Variants in MAGI2 observed in about 807,000 individuals in gnomAD.
MAGI2 encodes the protein membrane associated guanylate kinase, WW and PDZ domain containing 2.
MAGI2 carries 35 observed loss-of-function variants against 133.3 expected under a neutral mutation model. That is an observed-to-expected ratio of 0.26 (90% CI 0.20 to 0.35). The LOEUF (loss-of-function observed/expected upper bound fraction) is 0.35, where lower values mean the gene tolerates loss of function less well. Among genes scored for constraint, MAGI2 ranks in the 10% least tolerant of loss-of-function variants. The pLI, the probability that MAGI2 is intolerant of heterozygous loss-of-function variation, is 1.00. For missense variants in MAGI2, 1,636 were observed against 1,863.4 expected, an observed-to-expected ratio of 0.88 and a Z score of 2.25; for synonymous variants, 729 against 710.6, an observed-to-expected ratio of 1.03 and a Z score of -0.41.
At chr7:78,349,885 A>G (rs1056316306) in intron 7 of MAGI2, among the ~76,000 whole-genome samples, 4 of 152,210 alleles carry the variant, frequency 2.6e-5, no homozygotes, top group African/African-American at 9.6e-5. Context: ...TGTGTACAAA[A>G]AGATGTGAAT....
intron 9 of MAGI2, among the ~76,000 whole-genome samples, chr7:78,325,778 G>A (rs375860028): frequency 2.0e-5 from 3 of 152,202 alleles, no homozygotes; most frequent in African/African-American, 7.2e-5. Context: ...CAGGGCAAGG[G>A]AGCCCATTGG....
intron 2 of MAGI2, among the ~76,000 whole-genome samples, chr7:78,793,550 T>C (rs1787353497): frequency 6.6e-6 from 1 of 152,148 alleles, no homozygotes; most frequent in Non-Finnish European, 1.5e-5. Flanking sequence ...CTCTGACTGA[T>C]AGATGGTTCA....
At chr7:78,226,683 AACT>A (rs1789423074) in intron 10 of MAGI2, among the ~76,000 whole-genome samples, 1 of 152,202 alleles carries the variant, frequency 6.6e-6, no homozygotes, top group Admixed American at 6.5e-5. Context: ...CTTTAGAGGT[AACT>A]ACCTTTTCCT....
At chr7:78,851,744 GTAGT>G in intron 2 of MAGI2, among the ~76,000 whole-genome samples, 1 of 152,122 alleles carries the variant, frequency 6.6e-6, no homozygotes. Flanking sequence ...GTTGACGTCT[GTAGT>G]TAGAGTTCAT....
intron 2 of MAGI2, among the ~76,000 whole-genome samples, chr7:78,910,698 G>A (rs1263264042): frequency 6.6e-6 from 1 of 152,122 alleles, no homozygotes; most frequent in Non-Finnish European, 1.5e-5. Flanking sequence ...TTTGGTAAAT[G>A]TTATACTTAT....
intron 4 of MAGI2, among the ~76,000 whole-genome samples, chr7:78,507,233 T>C (rs1429784236): frequency 6.6e-6 from 1 of 152,082 alleles, no homozygotes; most frequent in African/African-American, 2.4e-5. Context: ...CAAATAAAGA[T>C]CCATAACATT....
chr7:78,853,137 C>T (rs947951542), intron 2 of MAGI2, among the ~76,000 whole-genome samples: 8 of 151,664 alleles, frequency 5.3e-5, no homozygotes, highest in Non-Finnish European at 7.4e-5. Flanking sequence ...GCAGGATATT[C>T]GATCAAGAAC....
intron 1 of MAGI2, among the ~76,000 whole-genome samples, chr7:79,331,469 G>A (rs1840066263): frequency 6.6e-6 from 1 of 152,042 alleles, no homozygotes; most frequent in South Asian, 2.1e-4. Context: ...ATAGTTACAT[G>A]GGAACTATAG....
At chr7:79,276,448 T>A (rs1162651217) in intron 1 of MAGI2, among the ~76,000 whole-genome samples, 1 of 152,194 alleles carries the variant, frequency 6.6e-6, no homozygotes, top group Non-Finnish European at 1.5e-5. Flanking sequence ...AAATTAATTA[T>A]AACTTTCTGA....
intron 2 of MAGI2, among the ~76,000 whole-genome samples, chr7:78,650,604 A>C (rs1183813280): frequency 1.3e-5 from 2 of 152,216 alleles, no homozygotes; most frequent in African/African-American, 4.8e-5. Context: ...AGGGGCATGT[A>C]TAGACAGAGA....
chr7:78,905,308 C>A (rs1483248603), intron 2 of MAGI2, among the ~76,000 whole-genome samples: 1 of 152,166 alleles, frequency 6.6e-6, no homozygotes, highest in Non-Finnish European at 1.5e-5. Flanking sequence ...ATCTAGAATT[C>A]TCTCTCTGTC....
chr7:78,237,951 G>C (rs1198207978), intron 10 of MAGI2, among the ~76,000 whole-genome samples: 2 of 152,102 alleles, frequency 1.3e-5, no homozygotes, highest in Admixed American at 1.3e-4. Context: ...GGTCACGTTA[G>C]CTCAAAATAT....
intron 14 of MAGI2, among the ~76,000 whole-genome samples, chr7:78,174,639 C>A (rs1826421193): frequency 6.6e-6 from 1 of 152,190 alleles, no homozygotes; most frequent in Non-Finnish European, 1.5e-5. Context: ...CTTTGTCATT[C>A]ATGGTGAGCC....
rs576061208 is a variant in MAGI2 at position 78,222,355 on chromosome 7, G to C, written c.2048-21162C>G. On this transcript the variant is annotated intron_variant, in intron 10 of 21. Coordinates refer to ENST00000354212, the MANE Select transcript of MAGI2 (RefSeq NM_012301.4). ...GAGCTCTATGGAGAAAAATAACACAGAACAAGGAAAAATGAAAAACTGCAA... is the reference window on the plus strand; with the variant it reads ...GAGCTCTATGGAGAAAAATAACACACAACAAGGAAAAATGAAAAACTGCAA... Among the ~76,000 whole-genome samples the C allele has an allele frequency of 3.3e-5, 5 of 152,234 alleles. No individual in the cohort carries two copies. In the East Asian group the frequency reaches 9.7e-4, roughly 29 times the overall value.
At chr7:79,212,274 G>A (rs1221698688) in intron 1 of MAGI2, among the ~76,000 whole-genome samples, 2 of 152,044 alleles carry the variant, frequency 1.3e-5, no homozygotes, top group African/African-American at 2.4e-5. Context: ...CCTTGGAGGT[G>A]TCTGTAGTAT....
intron 1 of MAGI2, among the ~76,000 whole-genome samples, chr7:79,202,735 T>C (rs1258898595): frequency 1.3e-5 from 2 of 152,050 alleles, no homozygotes; most frequent in Non-Finnish European, 2.9e-5. Context: ...GCTCGCAATA[T>C]GGTATACATT....
intron 1 of MAGI2, among the ~76,000 whole-genome samples, chr7:79,363,326 G>C (rs1842480153): frequency 6.9e-6 from 1 of 144,906 alleles, no homozygotes; most frequent in African/African-American, 2.5e-5. Flanking sequence ...GTATGTCTCT[G>C]TACTTAAATC....
At chr7:79,320,252 A>C (rs1839074604) in intron 1 of MAGI2, among the ~76,000 whole-genome samples, 1 of 152,174 alleles carries the variant, frequency 6.6e-6, no homozygotes, top group Admixed American at 6.6e-5. Flanking sequence ...CAAAGAATAC[A>C]CATAATTGCT....
chr7:78,710,607 A>G (rs147363802), intron 2 of MAGI2, among the ~76,000 whole-genome samples: 94 of 152,272 alleles, frequency 6.2e-4, no homozygotes, highest in African/African-American at 2.2e-3. Context: ...CCTATTGATG[A>G]ACCGTAGTGA....
Sources: gnomAD v4.1 joint callset for allele counts (sites outside exome capture counted in the v4.1 genomes callset) on GRCh38, gnomAD v4.1.1 for gene constraint, MANE v1.5 for transcripts, NCBI Gene and HGNC (gene_info 2026-07-23, HGNC 2026-07-21) for gene names.